SLC25A13: variants seen among roughly 807,000 people sequenced by gnomAD.
SLC25A13 encodes solute carrier family 25 member 13.
A neutral mutation model predicts 85.5 loss-of-function variants in SLC25A13; 70 were observed. That is an observed-to-expected ratio of 0.82 (90% confidence interval 0.68 to 1.00). The LOEUF (loss-of-function observed/expected upper bound fraction) is 1.00. Ranked by LOEUF, SLC25A13 falls within the 50% of genes least tolerant of loss-of-function variation. SLC25A13 has a pLI of 0.00. For missense variants in SLC25A13, 765 were observed against 819.8 expected, an observed-to-expected ratio of 0.93 and a Z score of 0.82; for synonymous variants, 259 against 288.7, an observed-to-expected ratio of 0.90 and a Z score of 1.04.
intron 14 of SLC25A13, among the ~76,000 whole-genome samples, chr7:96,135,146 G>C (rs1584354377): frequency 6.6e-6 from 1 of 152,056 alleles, no homozygotes; most frequent in African/African-American, 2.4e-5. Flanking sequence ...TGAAACTTTA[G>C]GAATGAATGA....
At chr7:96,128,173 T>TTAC (rs1395624116) in intron 15 of SLC25A13, among the ~76,000 whole-genome samples, 1 of 152,232 alleles carries the variant, frequency 6.6e-6, no homozygotes, top group Non-Finnish European at 1.5e-5. Context: ...ACAAAATGCA[T>TTAC]TACTAATCTT....
intron 13 of SLC25A13, among the ~76,000 whole-genome samples, chr7:96,169,064 C>T (rs1793891321): frequency 6.6e-6 from 1 of 152,182 alleles, no homozygotes; most frequent in East Asian, 1.9e-4. Context: ...AGTGATCAAA[C>T]AGAGAGTCAG....
rs574766437 is a variant in SLC25A13 at position 96,216,707 on chromosome 7, C to T, written c.329-7730G>A. Among the ~76,000 whole-genome samples, 9 of 152,064 alleles carry T rather than the reference C, an allele frequency of 5.9e-5. No individual in the cohort carries two copies. In the South Asian group the frequency reaches 8.3e-4, roughly 14 times the overall value. ...GTGGGAGCTAAATGGTGAGAACACA[C>T]GGACACAGAGGAGAACAAGAGACAG... On this transcript the variant is annotated intron_variant, in intron 4 of 17. Transcript: ENST00000265631.
intron 2 of SLC25A13, among the ~76,000 whole-genome samples, chr7:96,288,866 C>T (rs1430265286): frequency 6.6e-6 from 1 of 152,200 alleles, no homozygotes; most frequent in Non-Finnish European, 1.5e-5. Flanking sequence ...GCAGCAGAAA[C>T]CTCTGCAGAC....
chr7:96,317,957 A>G (rs992697850), intron 1 of SLC25A13, among the ~76,000 whole-genome samples: 2 of 151,886 alleles, frequency 1.3e-5, no homozygotes, highest in African/African-American at 4.8e-5. Context: ...GCGTGCCACC[A>G]TGCCCAGCTA....
At position 96,121,703 on chromosome 7, in the gene SLC25A13, A is replaced by G. The variant is rs1396539922; in HGVS notation, c.1793T>C (p.Leu598Pro). 1.9e-6 allele frequency: 3 copies of G among 1,614,106 alleles called. No homozygotes were observed. The highest frequency in any genetic ancestry group is 2.5e-6 in the Non-Finnish European group (3 of 1,180,048). The change falls in exon 17 of 18, where the codon CTG (leucine) becomes CCG (proline). Residue 598 changes from leucine (L) to proline (P), a missense_variant. By Grantham distance (98) the Leu-to-Pro change is moderately conservative (BLOSUM62 -3). Coordinates refer to ENST00000265631, the MANE Select transcript of SLC25A13 (RefSeq NM_014251.3). ...RSSPQFGVTL[L>P]TYELLQRWFY... The stretch of plus-strand genomic sequence containing the variant: ...CCATCGCTGTAGCAATTCGTAAGTC[A>G]GCAAAGTTACACCAAACTGGGGTGA...
rs566627365 is a variant in SLC25A13, at chr7:96,121,017, G to C, written c.*174C>G. 1.3e-6 allele frequency: 1 copy of C among 772,046 alleles called. No homozygotes were observed. The highest frequency in any genetic ancestry group is 1.7e-5 in the African/African-American group (1 of 58,540). The allele number at this position is 772,046 out of a possible 1,614,324, so 47.8% of individuals were successfully genotyped here. ...TAATAATTATGAATAATTTCACAAT[G>C]ATCTGGTTAAGAAAACACCCAGAAA... On this transcript the variant is annotated 3_prime_UTR_variant, in exon 18 of 18. Transcript: ENST00000265631.
chr7:96,242,697 C>G (rs1797039555), intron 3 of SLC25A13, among the ~76,000 whole-genome samples: 1 of 152,204 alleles, frequency 6.6e-6, no homozygotes, highest in African/African-American at 2.4e-5. Context: ...TTTAGGTAAA[C>G]TCCAACCAAT....
chr7:96,279,227 T>G (rs1395318640), intron 2 of SLC25A13, among the ~76,000 whole-genome samples: 1 of 152,228 alleles, frequency 6.6e-6, no homozygotes, highest in Non-Finnish European at 1.5e-5. Context: ...GTCTATTATA[T>G]TTGTTGCAAA....
In SLC25A13 at chr7:96,226,353, C is replaced by A. The variant is rs1352017874; in HGVS notation, c.328+8449G>T. The stretch of plus-strand genomic sequence containing the variant: ...TGTCATGTATGGCAGGACTTTATGG[C>A]TGAATAATATTCTATGTATATAAAT... On this transcript the variant is annotated intron_variant, in intron 4 of 17. Coordinates refer to ENST00000265631, the MANE Select transcript of SLC25A13 (RefSeq NM_014251.3). Among the ~76,000 whole-genome samples, 3 of 152,142 alleles carry A rather than the reference C, an allele frequency of 2.0e-5. 1 individual carries two copies. Among genetic ancestry groups the A allele is most frequent in the Non-Finnish European group, 4.4e-5 (3 of 68,038 alleles).
intron 1 of SLC25A13, among the ~76,000 whole-genome samples, chr7:96,310,739 GA>G (rs1232934618): frequency 6.6e-6 from 1 of 152,090 alleles, no homozygotes; most frequent in Non-Finnish European, 1.5e-5. Context: ...CTTCAGTAAA[GA>G]AACTTTATCA....
At chr7:96,215,048 C>G (rs1207149674) in intron 4 of SLC25A13, among the ~76,000 whole-genome samples, 3 of 152,128 alleles carry the variant, frequency 2.0e-5, no homozygotes, top group Non-Finnish European at 2.9e-5. Context: ...AATTGGCAAA[C>G]TGATCCAACA....
intron 9 of SLC25A13, 92 bp downstream of exon 9, chr7:96,189,202 T>C: frequency 3.8e-6 from 4 of 1,060,476 alleles, no homozygotes; most frequent in Admixed American, 1.9e-5. Flanking sequence ...TTAAGTCAGA[T>C]ACCAATGCCG....
intron 2 of SLC25A13, among the ~76,000 whole-genome samples, chr7:96,288,663 C>T (rs1031255248): frequency 2.0e-5 from 3 of 152,148 alleles, no homozygotes; most frequent in Admixed American, 6.5e-5. Context: ...CACGGAGCCT[C>T]GCTCATTGCT....
intron 4 of SLC25A13, among the ~76,000 whole-genome samples, chr7:96,230,815 A>G (rs1796513317): frequency 6.6e-6 from 1 of 152,236 alleles, no homozygotes; most frequent in African/African-American, 2.4e-5. Flanking sequence ...AATGGATTAA[A>G]GACTTAAATG....
intron 15 of SLC25A13, among the ~76,000 whole-genome samples, chr7:96,126,104 T>C (rs1335986299): frequency 1.3e-5 from 2 of 152,244 alleles, no homozygotes; most frequent in East Asian, 3.9e-4. Flanking sequence ...TATACAAATG[T>C]TGTGGGTGAC....
intron 2 of SLC25A13, among the ~76,000 whole-genome samples, chr7:96,278,112 A>G (rs1798529255): frequency 6.6e-6 from 1 of 152,196 alleles, no homozygotes; most frequent in African/African-American, 2.4e-5. Context: ...CAGCCTGGAT[A>G]AGAGAGAGCC....
At chr7:96,154,166 G>A (rs767396289) in intron 13 of SLC25A13, among the ~76,000 whole-genome samples, 3 of 152,066 alleles carry the variant, frequency 2.0e-5, no homozygotes, top group South Asian at 2.1e-4. Context: ...ATAAAAAATC[G>A]TGTAGAGGAT....
chr7:96,265,449 A>G (rs1406595116), intron 3 of SLC25A13, among the ~76,000 whole-genome samples: 1 of 152,216 alleles, frequency 6.6e-6, no homozygotes, highest in Non-Finnish European at 1.5e-5. Flanking sequence ...GGTATCCCGT[A>G]TCCTCTAGTA....
Sources: allele counts gnomAD v4.1 joint callset (sites outside exome capture counted in the v4.1 genomes callset), GRCh38; gene constraint gnomAD v4.1.1; transcripts MANE v1.5; gene names NCBI Gene and HGNC (gene_info 2026-07-23, HGNC 2026-07-21).